Variants in SLC44A5 observed in about 807,000 individuals in gnomAD.
SLC44A5 encodes solute carrier family 44 member 5.
A neutral mutation model predicts 101.8 loss-of-function variants in SLC44A5; 57 were observed. The observed-to-expected ratio is 0.56, with a 90% CI of 0.45 to 0.70. The LOEUF is 0.70. Among genes scored for constraint, SLC44A5 ranks in the 30% least tolerant of loss-of-function variants. SLC44A5 has a pLI of 0.00. For missense variants in SLC44A5, 737 were observed against 853.1 expected (o/e 0.86, Z 1.70); for synonymous variants, 281 against 290.9 (o/e 0.97, Z 0.35).
At chr1:75,477,770 G>A (rs371303280) in intron 2 of SLC44A5, among the ~76,000 whole-genome samples, 20 of 152,160 alleles carry the variant, frequency 1.3e-4, no homozygotes, top group African/African-American at 2.4e-4. Flanking sequence ...CCAAATCTAC[G>A]TCTGACTGGT....
intron 1 of SLC44A5, among the ~76,000 whole-genome samples, chr1:75,549,400 GA>G: frequency 6.6e-6 from 1 of 152,200 alleles, no homozygotes; most frequent in East Asian, 1.9e-4. Flanking sequence ...AAATATTCAT[GA>G]AACTAAAAAT....
intron 20 of SLC44A5, 119 bp downstream of exon 20, chr1:75,214,486 T>A (rs1646921976): frequency 1.4e-6 from 1 of 693,308 alleles, no homozygotes; most frequent in African/African-American, 1.8e-5. Context: ...ATCTATCAAG[T>A]TAAAAGATAA....
intron 2 of SLC44A5, among the ~76,000 whole-genome samples, chr1:75,537,034 A>ATATATATATATATG (rs1553199991): frequency 4.3e-4 from 8 of 18,650 alleles, no homozygotes; most frequent in Admixed American, 9.0e-4. Flanking sequence ...AAAAAAAAAA[A>ATATATATATATATG]TATATATCTA....
chr1:75,238,778 T>C (rs1485449462), intron 9 of SLC44A5, 142 bp from the exon 10 acceptor site: 1 of 459,244 alleles, frequency 2.2e-6, no homozygotes, highest in South Asian at 5.2e-5. Flanking sequence ...TCATTGCCTG[T>C]TACTTGATGA....
the SLC44A5 span, among the ~76,000 whole-genome samples, chr1:75,622,978 T>C: frequency 6.6e-6 from 1 of 152,068 alleles, no homozygotes; most frequent in Non-Finnish European, 1.5e-5. Flanking sequence ...ATGAACCAAA[T>C]TGTATTTTTC....
At chr1:75,521,921 C>T (rs1435976639) in intron 2 of SLC44A5, 2 of 152,602 alleles carry the variant, frequency 1.3e-5, no homozygotes, top group African/African-American at 4.8e-5. Context: ...TAGCCAGCAG[C>T]ATCCTTTTCT....
the SLC44A5 span, among the ~76,000 whole-genome samples, chr1:75,715,048 C>T: frequency 3.2e-4 from 48 of 152,272 alleles, no homozygotes; most frequent in African/African-American, 1.1e-3. Context: ...CAATTCACAA[C>T]AGGCACAAAA....
intron 1 of SLC44A5, among the ~76,000 whole-genome samples, chr1:75,546,562 A>G (rs1671662284): frequency 6.6e-6 from 1 of 152,136 alleles, no homozygotes; most frequent in African/African-American, 2.4e-5. Context: ...TTAAATTTTA[A>G]TCGCATTTTT....
At chr1:75,264,636 A>T (rs1466788202) in intron 6 of SLC44A5, among the ~76,000 whole-genome samples, 3 of 152,194 alleles carry the variant, frequency 2.0e-5, no homozygotes, top group Non-Finnish European at 4.4e-5. Flanking sequence ...GATGGAATAG[A>T]GAAAAAGCAG....
chr1:75,659,627 C>CAA, the SLC44A5 span, among the ~76,000 whole-genome samples: 87 of 98,782 alleles, frequency 8.8e-4, 3 homozygotes, highest in Middle Eastern at 6.8e-3. Flanking sequence ...CCATCTCTAC[C>CAA]AAAAAAAAAA....
chr1:75,339,746 T>C (rs751852453), intron 3 of SLC44A5, 116 bp from the exon 4 acceptor site: 20 of 808,116 alleles, frequency 2.5e-5, no homozygotes, highest in Non-Finnish European at 3.7e-5. Context: ...AGTGATGAAT[T>C]CATACTTTGG....
At chr1:75,488,328 C>T (rs1668260666) in intron 2 of SLC44A5, among the ~76,000 whole-genome samples, 2 of 152,168 alleles carry the variant, frequency 1.3e-5, no homozygotes, top group South Asian at 4.1e-4. Flanking sequence ...TAGCCCATTG[C>T]TTCTAGGTAA....
At chr1:75,306,793 G>A (rs1654943820) in intron 4 of SLC44A5, among the ~76,000 whole-genome samples, 1 of 144,450 alleles carries the variant, frequency 6.9e-6, no homozygotes, top group Admixed American at 7.1e-5. Context: ...GGAGTGCAGT[G>A]GAGCAATCTC....
the SLC44A5 span, chr1:75,642,072 T>TG: frequency 7.8e-7 from 1 of 1,277,110 alleles, no homozygotes; most frequent in East Asian, 2.3e-5. Flanking sequence ...ATGAAGAATC[T>TG]GGGGGCTTCA....
the SLC44A5 span, among the ~76,000 whole-genome samples, chr1:75,632,489 C>T: frequency 1.3e-5 from 2 of 152,080 alleles, no homozygotes; most frequent in African/African-American, 4.8e-5. Context: ...CAGTTCCACA[C>T]AGTTTACTCC....
At chr1:75,593,133 C>T (rs960694284) in intron 1 of SLC44A5, among the ~76,000 whole-genome samples, 3 of 151,848 alleles carry the variant, frequency 2.0e-5, no homozygotes, top group African/African-American at 7.2e-5. Context: ...AGGAACTCAA[C>T]ACTAAAGGAA....
At chr1:75,667,318 C>T in the SLC44A5 span, among the ~76,000 whole-genome samples, 1 of 151,994 alleles carries the variant, frequency 6.6e-6, no homozygotes, top group East Asian at 1.9e-4. Flanking sequence ...GAGTGAACTC[C>T]CATTCACAAT....
the SLC44A5 span, among the ~76,000 whole-genome samples, chr1:75,653,842 T>C: frequency 6.6e-6 from 1 of 152,226 alleles, no homozygotes; most frequent in Non-Finnish European, 1.5e-5. Flanking sequence ...TTTGTTCTCA[T>C]GTCACATGAA....
At chr1:75,619,053 A>T in the SLC44A5 span, among the ~76,000 whole-genome samples, 1 of 128,906 alleles carries the variant, frequency 7.8e-6, no homozygotes, top group Non-Finnish European at 1.6e-5. Flanking sequence ...CTGGGCAACA[A>T]GAGCGAAACT....
Sources: allele counts gnomAD v4.1 joint callset (sites outside exome capture counted in the v4.1 genomes callset), GRCh38; gene constraint gnomAD v4.1.1; transcripts MANE v1.5; gene names NCBI Gene and HGNC (gene_info 2026-07-23, HGNC 2026-07-21).